Variants in GPR39 observed in about 807,000 individuals in gnomAD.
GPR39 encodes G protein-coupled receptor 39.
GPR39 carries 23 observed loss-of-function variants against 18.4 expected under a neutral mutation model. The ratio of observed to expected loss-of-function variants is 1.25; its 90% confidence interval spans 0.90 to 1.77. The LOEUF is 1.77. GPR39 is among the 40% of genes most tolerant of loss of function. The pLI, the probability that GPR39 is intolerant of heterozygous loss-of-function variation, is 0.00. For missense variants in GPR39, 647 were observed against 602.4 expected (o/e 1.07, Z -0.78); for synonymous variants, 280 against 257.9 (o/e 1.09, Z -0.82).
At chr2:132,624,390 A>G (rs1681505665) in intron 1 of GPR39, among the ~76,000 whole-genome samples, 1 of 152,228 alleles carries the variant, frequency 6.6e-6, no homozygotes, top group South Asian at 2.1e-4. Context: ...TTAGAGATGC[A>G]ACATATGATC....
At chr2:132,469,501 A>C (rs1416962640) in intron 1 of GPR39, among the ~76,000 whole-genome samples, 3 of 152,214 alleles carry the variant, frequency 2.0e-5, no homozygotes, top group Non-Finnish European at 4.4e-5. Context: ...AATCGCAAAT[A>C]ACACACTTTA....
chr2:132,561,725 C>A (rs1573668384), intron 1 of GPR39, among the ~76,000 whole-genome samples: 1 of 152,248 alleles, frequency 6.6e-6, no homozygotes, highest in African/African-American at 2.4e-5. Flanking sequence ...AGTCCAAAGG[C>A]CTGAGAACCA....
At chr2:132,601,857 G>A (rs1009315136) in intron 1 of GPR39, among the ~76,000 whole-genome samples, 4 of 151,782 alleles carry the variant, frequency 2.6e-5, no homozygotes, top group African/African-American at 9.7e-5. Context: ...TAACCAAAAA[G>A]GCTAAAGATA....
At chr2:132,467,738 G>A (rs1215694411) in intron 1 of GPR39, among the ~76,000 whole-genome samples, 9 of 152,158 alleles carry the variant, frequency 5.9e-5, no homozygotes, top group Non-Finnish European at 1.0e-4. Context: ...TGGTACTAAA[G>A]TCAGTGAAGG....
chr2:132,637,727 C>T (rs1184891474), intron 1 of GPR39, among the ~76,000 whole-genome samples: 7 of 152,222 alleles, frequency 4.6e-5, no homozygotes, highest in Non-Finnish European at 8.8e-5. Context: ...CTGGATTTAG[C>T]TCTCAGGGAA....
intron 1 of GPR39, among the ~76,000 whole-genome samples, chr2:132,554,294 T>C (rs1262496023): frequency 6.6e-6 from 1 of 152,190 alleles, no homozygotes; most frequent in Non-Finnish European, 1.5e-5. Flanking sequence ...GGCAAGCTGA[T>C]AGCAAAGGCT....
intron 1 of GPR39, among the ~76,000 whole-genome samples, chr2:132,499,995 G>C (rs935826820): frequency 5.3e-5 from 8 of 152,108 alleles, no homozygotes; most frequent in African/African-American, 1.7e-4. Flanking sequence ...GAGTCTTTAG[G>C]GTTTTCTATG....
rs189937770 is a variant in GPR39 at position 132,595,466 on chromosome 2, C to T, written c.857-49635C>T. ...TCTTCGAAGTTGTAACCTACAAGTC[C>T]TTGTCCTGTGTGGCCTGGTGACCTA... On this transcript the variant is annotated intron_variant, in intron 1 of 1. Coordinates refer to ENST00000329321, the MANE Select transcript of GPR39 (RefSeq NM_001508.3). 3.3e-5 allele frequency among the ~76,000 whole-genome samples: 5 copies of T among 152,176 alleles called. No homozygotes were observed. The East Asian group carries it at 9.7e-4, about 29-fold the overall frequency.
chr2:132,557,711 A>T (rs1680180173), intron 1 of GPR39, among the ~76,000 whole-genome samples: 2 of 152,250 alleles, frequency 1.3e-5, no homozygotes, highest in South Asian at 4.1e-4. Context: ...TGAGGGGTTT[A>T]TATGGGGGAG....
intron 1 of GPR39, among the ~76,000 whole-genome samples, chr2:132,478,167 C>A (rs1482522650): frequency 6.6e-6 from 1 of 152,186 alleles, no homozygotes; most frequent in Non-Finnish European, 1.5e-5. Flanking sequence ...ACACTGACTG[C>A]GTTTCCACAG....
At chr2:132,605,900 C>T (rs769926584) in intron 1 of GPR39, among the ~76,000 whole-genome samples, 9 of 152,200 alleles carry the variant, frequency 5.9e-5, no homozygotes, top group South Asian at 2.1e-4. Flanking sequence ...GTTTTACAAA[C>T]GTATTCATGG....
chr2:132,601,858 G>C (rs1020667853), intron 1 of GPR39, among the ~76,000 whole-genome samples: 2 of 151,900 alleles, frequency 1.3e-5, no homozygotes, highest in African/African-American at 4.8e-5. Flanking sequence ...AACCAAAAAG[G>C]CTAAAGATAT....
chr2:132,617,843 C>T (rs904839417), intron 1 of GPR39, among the ~76,000 whole-genome samples: 1 of 152,192 alleles, frequency 6.6e-6, no homozygotes, highest in Non-Finnish European at 1.5e-5. Context: ...ATATCTGAGC[C>T]TCAGTGTCCA....
chr2:132,547,194 G>C (rs1441525316), intron 1 of GPR39, among the ~76,000 whole-genome samples: 1 of 152,176 alleles, frequency 6.6e-6, no homozygotes, highest in Non-Finnish European at 1.5e-5. Flanking sequence ...TGATATTTCA[G>C]GTGGGGGATG....
chr2:132,514,025 T>A (rs1679285931), intron 1 of GPR39, among the ~76,000 whole-genome samples: 1 of 152,208 alleles, frequency 6.6e-6, no homozygotes, highest in Non-Finnish European at 1.5e-5. Flanking sequence ...TTCTTTTCTT[T>A]TCAAGATGGC....
intron 1 of GPR39, among the ~76,000 whole-genome samples, chr2:132,636,569 A>G (rs1021210551): frequency 6.6e-5 from 10 of 152,232 alleles, no homozygotes; most frequent in African/African-American, 2.2e-4. Flanking sequence ...GGGCCAGTGC[A>G]AACAGCACCT....
intron 1 of GPR39, among the ~76,000 whole-genome samples, chr2:132,570,794 G>C (rs746446025): frequency 6.6e-6 from 1 of 152,076 alleles, no homozygotes; most frequent in Non-Finnish European, 1.5e-5. Flanking sequence ...TCTCCCTGAG[G>C]CAGCAGCCTA....
rs530941817 is a variant in GPR39, at chr2:132,598,056, G to A, written c.857-47045G>A. Among the ~76,000 whole-genome samples, 10 of 152,294 alleles carry A rather than the reference G, an allele frequency of 6.6e-5. No homozygotes were observed. The South Asian group carries it at 1.7e-3, about 25-fold the overall frequency. On this transcript the variant is annotated intron_variant, in intron 1 of 1. Coordinates refer to ENST00000329321, the MANE Select transcript of GPR39 (RefSeq NM_001508.3). ...TCCTGAGACTGACCAGCTGCAAGTC[G>A]GGGCCACAGAAAATGCAGGGCTGGC...
chr2:132,558,618 A>C (rs940200876), intron 1 of GPR39, among the ~76,000 whole-genome samples: 2 of 152,120 alleles, frequency 1.3e-5, no homozygotes, highest in Non-Finnish European at 2.9e-5. Context: ...CGGGGGAAAG[A>C]AGCTTTTTCT....
Sources: gnomAD v4.1 joint callset for allele counts (sites outside exome capture counted in the v4.1 genomes callset) on GRCh38, gnomAD v4.1.1 for gene constraint, MANE v1.5 for transcripts, NCBI Gene and HGNC (gene_info 2026-07-23, HGNC 2026-07-21) for gene names.